LRRK2: variants seen among roughly 807,000 people sequenced by gnomAD.
The protein encoded by LRRK2 is leucine-rich repeat serine/threonine-protein kinase 2.
In LRRK2, 203 loss-of-function variants were observed where a neutral mutation model predicts 302.6. That is an observed-to-expected ratio of 0.67 (90% CI 0.60 to 0.75). The LOEUF (loss-of-function observed/expected upper bound fraction) is 0.75, where lower values mean the gene tolerates loss of function less well. Among genes scored for constraint, LRRK2 ranks in the 30% least tolerant of loss-of-function variants. The probability of loss-of-function intolerance (pLI) is 0.00; values close to 1 mark genes in which losing one functional copy is unlikely to be tolerated. For synonymous variants in LRRK2, 1,066 were observed against 1,031.9 expected (o/e 1.03, Z -0.63); for missense variants, 2,830 against 2,951.0 (o/e 0.96, Z 0.95).
At chr12:40,298,637 T>A in intron 24 of LRRK2, 144 bp downstream of exon 24, 1 of 1,018,928 alleles carries the variant, frequency 9.8e-7, no homozygotes, top group Non-Finnish European at 1.5e-6. Context: ...CCCAGCGTGG[T>A]GGTGCGCACC....
At chr12:40,364,234 T>C (rs568201811) in intron 48 of LRRK2, among the ~76,000 whole-genome samples, 1 of 152,162 alleles carries the variant, frequency 6.6e-6, no homozygotes, top group East Asian at 1.9e-4. Flanking sequence ...GTTTCCTGTC[T>C]TAGATTCATC....
At chr12:40,248,438 A>C (rs1942105735) in intron 7 of LRRK2, among the ~76,000 whole-genome samples, 1 of 152,190 alleles carries the variant, frequency 6.6e-6, no homozygotes, top group South Asian at 2.1e-4. Flanking sequence ...TTTTGAAAAT[A>C]AAAAGTGATC....
rs1565687895 is a variant in LRRK2 at position 40,259,510 on chromosome 12, G to A, written c.1449G>A (p.Val483=). ...CTTCCCTGGATATAATGGCAGCAGTGGTCCCCAAAATACTAACAGTTATGA... is the reference window on the plus strand; with the variant it reads ...CTTCCCTGGATATAATGGCAGCAGTAGTCCCCAAAATACTAACAGTTATGA... ...SNTSLDIMAA[V]VPKILTVMKR... The change falls in exon 13 of 51, where the codon GTG becomes GTA. Residue 483 remains valine (V), a synonymous_variant. Coordinates refer to ENST00000298910, the MANE Select transcript of LRRK2 (RefSeq NM_198578.4). 6.2e-7 allele frequency: 1 copy of A among 1,613,258 alleles called. No individual in the cohort carries two copies. Among genetic ancestry groups the A allele is most frequent in the African/African-American group, 1.3e-5 (1 of 74,940 alleles).
At chr12:40,353,934 G>C (rs1356848232) in intron 44 of LRRK2, among the ~76,000 whole-genome samples, 1 of 152,216 alleles carries the variant, frequency 6.6e-6, no homozygotes, top group African/African-American at 2.4e-5. Context: ...GATGGCAGCA[G>C]TACAGCCCAG....
In LRRK2 at chr12:40,346,746, C is replaced by T; in HGVS notation, c.6110-7C>T. 1.9e-6 allele frequency: 3 copies of T among 1,613,448 alleles called. No homozygotes were observed. The highest frequency in any genetic ancestry group is 1.1e-5 in the South Asian group (1 of 91,014). Reference sequence around the variant, plus strand: ...TCATATTTATTATTTTATCTGCTTACTTTCAGGGTTTCGTGCACCTGAAGT... The same window carrying T: ...TCATATTTATTATTTTATCTGCTTATTTTCAGGGTTTCGTGCACCTGAAGT... On this transcript the variant is annotated splice_region_variant and splice_polypyrimidine_tract_variant and intron_variant, in intron 41 of 50. Coordinates refer to ENST00000298910, the MANE Select transcript of LRRK2 (RefSeq NM_198578.4).
chr12:40,278,343 TATATC>T, intron 18 of LRRK2, 82 bp downstream of exon 18: 6 of 1,483,796 alleles, frequency 4.0e-6, no homozygotes, highest in Non-Finnish European at 2.8e-6. Flanking sequence ...ATCTCTTACT[TATATC>T]ATATTATTCT....
chr12:40,273,545 T>A (rs1385617466), intron 14 of LRRK2, among the ~76,000 whole-genome samples: 1 of 152,084 alleles, frequency 6.6e-6, no homozygotes, highest in East Asian at 1.9e-4. Context: ...AGTACAGAAA[T>A]GAGGAAGCTT....
Position 40,295,619 on chromosome 12 carries a change from C to T in LRRK2, c.3071C>T (p.Thr1024Met), listed in dbSNP as rs568157731. Residue 1024 changes from threonine to methionine, a missense_variant, in exon 23 of 51, where the codon ACG becomes ATG. Physicochemically the swap from Thr to Met is moderately conservative, Grantham distance 81. Transcript: ENST00000298910. ...EKLELHQNAL[T>M]SFPQQLCETL... ...CTGGAGCTTCACCAGAATGCACTCA[C>T]GAGCTTTCCACAACAGCTATGTGAA... The T allele has an allele frequency of 2.0e-5, 32 of 1,613,902 alleles. No homozygotes were observed. Among genetic ancestry groups the T allele is most frequent in the South Asian group, 6.6e-5 (6 of 91,076 alleles).
chr12:40,364,558 C>T (rs935612379), intron 48 of LRRK2, among the ~76,000 whole-genome samples: 3 of 151,298 alleles, frequency 2.0e-5, no homozygotes, highest in Admixed American at 6.6e-5. Context: ...GCTATTTTTA[C>T]TGAATTAGAT....
intron 43 of LRRK2, 113 bp from the exon 44 acceptor site, chr12:40,351,425 TA>T: frequency 1.1e-6 from 1 of 906,262 alleles, no homozygotes; most frequent in South Asian, 1.5e-5. Context: ...GGTTCCAGTT[TA>T]ACAGTTTTAG....
intron 3 of LRRK2, 99 bp from the exon 4 acceptor site, chr12:40,235,527 A>G (rs768053117): frequency 4.0e-6 from 3 of 757,980 alleles, no homozygotes; most frequent in Non-Finnish European, 7.0e-6. Flanking sequence ...ATTAAATACA[A>G]TGAGAGTAAT....
intron 35 of LRRK2, 42 bp from the exon 36 acceptor site, chr12:40,321,993 T>A (rs1945416514): frequency 6.2e-7 from 1 of 1,609,288 alleles, no homozygotes; most frequent in Non-Finnish European, 8.5e-7. Flanking sequence ...TTTTTCCCTT[T>A]AACTTAGGAA....
chr12:40,243,010 A>T (rs1941808713), intron 6 of LRRK2, among the ~76,000 whole-genome samples: 1 of 151,220 alleles, frequency 6.6e-6, no homozygotes, highest in East Asian at 1.9e-4. Flanking sequence ...ATGTTACATT[A>T]TTGTCCCTAT....
intron 34 of LRRK2, among the ~76,000 whole-genome samples, chr12:40,320,487 TTAAACAACAC>T (rs1275730816): frequency 6.6e-6 from 1 of 151,924 alleles, no homozygotes; most frequent in Admixed American, 6.6e-5. Context: ...GTGTGTGTTC[TTAAACAACAC>T]TGAGAGAGTT....
At chr12:40,334,475 CA>C (rs1945807914) in intron 39 of LRRK2, among the ~76,000 whole-genome samples, 1 of 152,170 alleles carries the variant, frequency 6.6e-6, no homozygotes, top group African/African-American at 2.4e-5. Context: ...ATAACATAAA[CA>C]CTTGATTAAC....
intron 14 of LRRK2, among the ~76,000 whole-genome samples, chr12:40,264,119 G>C (rs746407989): frequency 2.0e-5 from 3 of 152,104 alleles, no homozygotes; most frequent in Non-Finnish European, 2.9e-5. Context: ...TATAGATGTA[G>C]GCAAGATTCT....
chr12:40,313,550 C>A (rs1945103576), intron 31 of LRRK2, among the ~76,000 whole-genome samples: 1 of 151,880 alleles, frequency 6.6e-6, no homozygotes, highest in East Asian at 1.9e-4. Flanking sequence ...TAATATTTTA[C>A]CTTGAATATT....
Position 40,287,559 on chromosome 12 carries a change from A to C in LRRK2, c.2689+20A>C, listed in dbSNP as rs200523642. 3.2e-5 allele frequency: 51 copies of C among 1,608,244 alleles called. No homozygotes were observed. The East Asian group carries it at 3.3e-4, about 11-fold the overall frequency. ...GTGAAGGTATTTATTATAAAAAAAAACCCTTTATGCTTTATATTTACACAC... is the reference window on the plus strand; with the variant it reads ...GTGAAGGTATTTATTATAAAAAAAACCCCTTTATGCTTTATATTTACACAC... On this transcript the variant is annotated intron_variant, in intron 20 of 50. Coordinates refer to ENST00000298910, the MANE Select transcript of LRRK2 (RefSeq NM_198578.4).
In LRRK2 at chr12:40,295,635, G is replaced by T. The variant is rs1022834404; in HGVS notation, c.3087G>T (p.Gln1029His). The T allele has an allele frequency of 4.3e-6, 7 of 1,613,300 alleles. No individual in the cohort carries two copies. Among genetic ancestry groups the T allele is most frequent in the Non-Finnish European group, 5.1e-6 (6 of 1,179,614 alleles). Reference sequence around the variant, plus strand: ...ATGCACTCACGAGCTTTCCACAACAGCTATGTGAAGTAAATTTAATTTATC... The same window carrying T: ...ATGCACTCACGAGCTTTCCACAACATCTATGTGAAGTAAATTTAATTTATC... ...HQNALTSFPQ[Q>H]LCETLKSLTH... is the part of the protein sequence containing the mutation. Residue 1029 changes from glutamine to histidine, a missense_variant, in exon 23 of 51, where the codon CAG becomes CAT. This residue lies in a region of LRRK2 where 2,121 missense variants were observed against 2,148.0 expected (regional missense o/e 0.99). Transcript: ENST00000298910.
Sources: gnomAD v4.1 joint callset for allele counts (sites outside exome capture counted in the v4.1 genomes callset) on GRCh38, gnomAD v4.1.1 for gene constraint, gnomAD v4.1.1 regional missense constraint, MANE v1.5 for transcripts, NCBI Gene and HGNC (gene_info 2026-07-23, HGNC 2026-07-21) for gene names.